Variants in PCNX2 observed in about 807,000 individuals in gnomAD.
PCNX2 encodes the protein pecanex-like protein 2.
In PCNX2, 168 loss-of-function variants were observed where a neutral mutation model predicts 223.8. The observed-to-expected ratio is 0.75, with a 90% CI of 0.66 to 0.85. The LOEUF (loss-of-function observed/expected upper bound fraction) is 0.85. Ranked by LOEUF, PCNX2 falls within the 40% of genes least tolerant of loss-of-function variation. The probability of loss-of-function intolerance (pLI) is 0.00; values close to 1 mark genes in which losing one functional copy is unlikely to be tolerated. For synonymous variants in PCNX2, 1,006 were observed against 1,052.6 expected (o/e 0.96, Z 0.86); for missense variants, 2,507 against 2,675.5 (o/e 0.94, Z 1.39).
In PCNX2 at chr1:233,090,329, A is replaced by T. The variant is rs1048683580; in HGVS notation, c.3947-139T>A. On this transcript the variant is annotated intron_variant, in intron 22 of 33. Transcript: ENST00000258229. The stretch of plus-strand genomic sequence containing the variant: ...CAAAGAACACACACTTAATCTCTCT[A>T]TGTATAGATTTATAAATATAAAACT... 8.0e-6 allele frequency: 8 copies of T among 1,004,832 alleles called. No homozygotes were observed. The South Asian group carries it at 1.1e-4, about 14-fold the overall frequency. The allele number at this position is 1,004,832 out of a possible 1,614,324, so 62.2% of individuals were successfully genotyped here.
At position 233,102,087 on chromosome 1, in the gene PCNX2, CT is replaced by C. The variant is rs201107797; in HGVS notation, c.3838-6225del. Among the ~76,000 whole-genome samples, 579 of 125,014 alleles carry C rather than the reference CT, an allele frequency of 4.6e-3. 1 individual carries two copies. Among genetic ancestry groups the C allele is most frequent in the Middle Eastern group, 0.016 (4 of 244 alleles). The allele number at this position is 125,014 out of a possible 152,430, so 82.0% of individuals were successfully genotyped here. ...GAGTAAATGCATGAGATTCATTTTT[CT>C]TTTTTTTTTTTTTTTTTGGCTCCCA... On this transcript the variant is annotated intron_variant, in intron 21 of 33. Coordinates refer to ENST00000258229, the MANE Select transcript of PCNX2 (RefSeq NM_014801.4).
intron 28 of PCNX2, among the ~76,000 whole-genome samples, chr1:233,003,505 G>A (rs1670165574): frequency 6.6e-6 from 1 of 152,226 alleles, no homozygotes; most frequent in Non-Finnish European, 1.5e-5. Context: ...GGAAACAACA[G>A]ATGCTGGAGA....
chr1:232,999,507 G>A, intron 30 of PCNX2, 128 bp from the exon 31 acceptor site: 11 of 1,081,444 alleles, frequency 1.0e-5, no homozygotes, highest in Non-Finnish European at 1.4e-5. Context: ...AGGCTGGAGT[G>A]CAATGGTGCA....
intron 23 of PCNX2, among the ~76,000 whole-genome samples, chr1:233,071,958 T>G (rs1417776933): frequency 6.6e-6 from 1 of 152,262 alleles, no homozygotes; most frequent in African/African-American, 2.4e-5. Flanking sequence ...TTGAAAAGTG[T>G]CTGTTCATGT....
At chr1:232,984,733 G>A (rs538281897) in intron 33 of PCNX2, 4 of 403,948 alleles carry the variant, frequency 9.9e-6, no homozygotes, top group East Asian at 4.5e-5. Context: ...TGGAAAGAGC[G>A]GCCCTGGGGG....
rs1210803085 is a variant in PCNX2 at position 233,001,629 on chromosome 1, T to C, written c.5005A>G (p.Ile1669Val). The change falls in exon 29 of 34, where the codon ATA (isoleucine) becomes GTA (valine). Residue 1669 changes from isoleucine to valine, a missense_variant. Physicochemically the swap from Ile to Val is conservative, Grantham distance 29. This residue lies in a region of PCNX2 where 1,372 missense variants were observed against 1,509.4 expected (regional missense o/e 0.91). Transcript: ENST00000258229. This position sits in a 1 kb window ranked among gnomAD's most constrained non-coding sequence, Gnocchi z 4.2. ...LHVLFKGDFRITARDEWVFAD... is the reference protein window; with the variant it reads ...LHVLFKGDFRVTARDEWVFAD... ...AATACCCACTCGTCACGTGCTGTTA[T>C]TCTGAAGTCACCTTTGAAGAGGACA... 1.3e-6 allele frequency: 2 copies of C among 1,593,638 alleles called. No individual in the cohort carries two copies. Among genetic ancestry groups the C allele is most frequent in the East Asian group, 4.5e-5 (2 of 44,632 alleles).
At chr1:233,100,906 T>C (rs1674451090) in intron 21 of PCNX2, among the ~76,000 whole-genome samples, 1 of 152,258 alleles carries the variant, frequency 6.6e-6, no homozygotes, top group Non-Finnish European at 1.5e-5. Flanking sequence ...ATTCAGTTAG[T>C]TCTTTCTCAG....
chr1:233,293,815 C>T (rs1428342693), intron 1 of PCNX2: 1 of 326,318 alleles, frequency 3.1e-6, no homozygotes, highest in South Asian at 1.2e-4. Context: ...GAAGCTTGCT[C>T]AAGCTCATAT....
chr1:233,181,508 T>A lies in PCNX2; in HGVS notation c.3067-2333A>T, dbSNP rs1267690145. Among the ~76,000 whole-genome samples, 4 of 152,194 alleles carry A rather than the reference T, an allele frequency of 2.6e-5. No individual in the cohort carries two copies. The East Asian group carries it at 7.7e-4, about 29-fold the overall frequency. On this transcript the variant is annotated intron_variant, in intron 15 of 33. Coordinates refer to ENST00000258229, the MANE Select transcript of PCNX2 (RefSeq NM_014801.4). ...CACCATACCCGGCCAGTTGCTGACA[T>A]CTTTAACAAATAAAAAAAGTTCTCC...
At chr1:233,190,992 G>A (rs979542513) in intron 15 of PCNX2, among the ~76,000 whole-genome samples, 2 of 152,172 alleles carry the variant, frequency 1.3e-5, no homozygotes, top group African/African-American at 4.8e-5. Flanking sequence ...CATGAAAATG[G>A]AGCCACATTT....
Position 233,160,385 on chromosome 1 carries a change from C to T in PCNX2, c.3415G>A (p.Val1139Ile), listed in dbSNP as rs898817323. The part of the protein sequence containing the change: ...LFALAGAVGF[V>I]THYVLPQLRK... The stretch of plus-strand genomic sequence containing the variant: ...AGCTGAGGGAGCACGTAATGTGTTA[C>T]AAACCCCACGGCTCCAGCCAAGGCA... The change falls in exon 19 of 34, where the codon GTA (valine) becomes ATA (isoleucine). Residue 1139 changes from valine (V) to isoleucine (I), a missense_variant. By Grantham distance (29) the Val-to-Ile change is conservative (BLOSUM62 3). Coordinates refer to ENST00000258229, the MANE Select transcript of PCNX2 (RefSeq NM_014801.4). 6.2e-7 allele frequency: 1 copy of T among 1,613,632 alleles called. No homozygotes were observed. The highest frequency in any genetic ancestry group is 2.2e-5 in the East Asian group (1 of 44,876).
intron 22 of PCNX2, among the ~76,000 whole-genome samples, chr1:233,092,129 T>C (rs1673904237): frequency 6.6e-6 from 1 of 152,082 alleles, no homozygotes; most frequent in South Asian, 2.1e-4. Flanking sequence ...AAAAAAATAT[T>C]AGAAAGCAGA....
intron 23 of PCNX2, chr1:233,087,087 A>G (rs2102933193): frequency 1.0e-6 from 1 of 985,420 alleles, no homozygotes. Flanking sequence ...CGGCCAGTTC[A>G]GGGAGAAAAG....
chr1:233,058,584 A>T (rs1672275588), intron 23 of PCNX2: 1 of 152,178 alleles, frequency 6.6e-6, no homozygotes, highest in Non-Finnish European at 1.5e-5. Flanking sequence ...GGATTTGGGC[A>T]TAATGAAGGT....
chr1:233,290,740 A>C, intron 1 of PCNX2: 1 of 983,248 alleles, frequency 1.0e-6, no homozygotes, highest in Non-Finnish European at 1.2e-6. Context: ...AGGTCTTATC[A>C]AAGAAGGTCT....
At chr1:233,285,092 C>T (rs905355801) in intron 1 of PCNX2, 1 of 857,152 alleles carries the variant, frequency 1.2e-6, no homozygotes, top group Non-Finnish European at 1.4e-6. Context: ...GTGGTTCACG[C>T]CTGTAATCCC....
rs115779295 is a variant in PCNX2, at chr1:233,233,678, C to T, written c.2358+3167G>A. On this transcript the variant is annotated intron_variant, in intron 9 of 33. Transcript: ENST00000258229. Reference sequence around the variant, plus strand: ...ACTAGAAAGAGCTTGCAGAACATTGCGGGGGAAGCACTCCCAGAGCTCGTG... The same window carrying T: ...ACTAGAAAGAGCTTGCAGAACATTGTGGGGGAAGCACTCCCAGAGCTCGTG... 6.1e-3 allele frequency among the ~76,000 whole-genome samples: 933 copies of T among 152,014 alleles called. 7 individuals carry two copies. Among genetic ancestry groups the T allele is most frequent in the African/African-American group, 0.02 (846 of 41,454 alleles).
At position 232,986,288 on chromosome 1, in the gene PCNX2, G is replaced by C. The variant is rs184847525; in HGVS notation, c.6044C>G (p.Ala2015Gly). ...GHLSVRERAE[A>G]LIRSSLGSST... is the part of the protein sequence containing the mutation. Reference sequence around the variant, plus strand: ...GGAGCCCAGGCTGGACCTGATGAGCGCCTCGGCCCGCTCACGGACACTCAG... The same window carrying C: ...GGAGCCCAGGCTGGACCTGATGAGCCCCTCGGCCCGCTCACGGACACTCAG... Residue 2015 changes from alanine to glycine, a missense_variant, in exon 33 of 34, where the codon GCG (alanine) becomes GGG (glycine). Around this residue, in one of 3 missense-constraint regions of PCNX2, gnomAD observed 1,372 missense variants for 1,509.4 expected, o/e 0.91. Coordinates refer to ENST00000258229, the MANE Select transcript of PCNX2 (RefSeq NM_014801.4). 2.4e-5 allele frequency: 38 copies of C among 1,564,718 alleles called. No individual in the cohort carries two copies. The African/African-American group carries it at 4.9e-4, about 20-fold the overall frequency.
chr1:233,002,392 A>C (rs571665507), intron 28 of PCNX2, among the ~76,000 whole-genome samples: 8 of 152,342 alleles, frequency 5.3e-5, no homozygotes, highest in African/African-American at 7.2e-5. Flanking sequence ...ATAATGAGTG[A>C]ACTCCCATTC....
Sources: allele counts gnomAD v4.1 joint callset (sites outside exome capture counted in the v4.1 genomes callset), GRCh38; gene constraint gnomAD v4.1.1; regional missense constraint gnomAD v4.1.1; non-coding constraint Gnocchi (gnomAD v3.1); transcripts MANE v1.5; gene names NCBI Gene and HGNC (gene_info 2026-07-23, HGNC 2026-07-21).